Variants in UBL3 observed in about 807,000 individuals in gnomAD.
UBL3 encodes ubiquitin like 3.
A neutral mutation model predicts 18.4 loss-of-function variants in UBL3; 6 were observed. The ratio of observed to expected loss-of-function variants is 0.33; its 90% CI spans 0.18 to 0.64. The LOEUF (loss-of-function observed/expected upper bound fraction) is 0.64. Ranked by LOEUF, UBL3 falls within the 30% of genes least tolerant of loss-of-function variation. The probability of loss-of-function intolerance (pLI) is 0.76; values close to 1 mark genes in which losing one functional copy is unlikely to be tolerated. For synonymous variants in UBL3, 49 were observed against 46.6 expected, an observed-to-expected ratio of 1.05 and a Z score of -0.21; for missense variants, 109 against 142.9, an observed-to-expected ratio of 0.76 and a Z score of 1.21.
chr13:29,847,005 G>A (rs1447176526), intron 1 of UBL3, among the ~76,000 whole-genome samples: 2 of 152,166 alleles, frequency 1.3e-5, no homozygotes, highest in African/African-American at 4.8e-5. Flanking sequence ...GTAAATTGTT[G>A]TCATGAATGT....
chr13:29,820,165 GTTCCTTTT>G (rs1878390557), intron 1 of UBL3, among the ~76,000 whole-genome samples: 2 of 130,146 alleles, frequency 1.5e-5, no homozygotes, highest in Non-Finnish European at 3.2e-5. Flanking sequence ...GGCCCTCAGA[GTTCCTTTT>G]TTTTTTTTTT....
At position 29,850,451 on chromosome 13, in the gene UBL3, A is replaced by G. The variant is rs1566004755; in HGVS notation, c.-913T>C. On this transcript the variant is annotated 5_prime_UTR_variant, in exon 1 of 5. Transcript: ENST00000380680. ...GCCGACTTCGGCTGGTCCCCGGAAGAGGCCGGGTCCTCCTTCTCCTCAGCC... is the reference window on the plus strand; with the variant it reads ...GCCGACTTCGGCTGGTCCCCGGAAGGGGCCGGGTCCTCCTTCTCCTCAGCC... The G allele has an allele frequency of 6.5e-6, 1 of 152,824 alleles. No homozygotes were observed. Among genetic ancestry groups the G allele is most frequent in the Non-Finnish European group, 1.5e-5 (1 of 68,170 alleles). 9.5% of individuals were successfully genotyped at this position (152,824 alleles called of 1,614,324 possible). A position where few individuals can be genotyped will look rare whatever the true frequency, so the allele number is the denominator to read the frequency against.
intron 1 of UBL3, among the ~76,000 whole-genome samples, chr13:29,803,772 C>A (rs1877833104): frequency 6.6e-6 from 1 of 152,084 alleles, no homozygotes; most frequent in South Asian, 2.1e-4. Flanking sequence ...AACACAGGAG[C>A]ACTCAGACTG....
intron 1 of UBL3, among the ~76,000 whole-genome samples, chr13:29,825,459 A>C (rs925142868): frequency 8.5e-4 from 130 of 152,182 alleles, no homozygotes; most frequent in Non-Finnish European, 1.6e-3. Context: ...ATTCTCTTTG[A>C]AGCAATTGTG....
chr13:29,767,722 T>C, intron 3 of UBL3, 27 bp from the exon 4 acceptor site: 1 of 1,595,572 alleles, frequency 6.3e-7, no homozygotes, highest in Middle Eastern at 1.7e-4. Context: ...AGATGATTAG[T>C]TACACATATA....
At chr13:29,827,995 T>C (rs1350717857) in intron 1 of UBL3, among the ~76,000 whole-genome samples, 1 of 152,234 alleles carries the variant, frequency 6.6e-6, no homozygotes, top group Admixed American at 6.5e-5. Flanking sequence ...TTTAAGAATG[T>C]TGAATATTGG....
At chr13:29,832,445 G>C (rs1003650005) in intron 1 of UBL3, among the ~76,000 whole-genome samples, 1 of 151,544 alleles carries the variant, frequency 6.6e-6, no homozygotes, top group African/African-American at 2.4e-5. Context: ...CCATTCTCCT[G>C]CGTCAGCCTC....
intron 1 of UBL3, among the ~76,000 whole-genome samples, chr13:29,830,680 A>G (rs1301436311): frequency 2.6e-5 from 4 of 152,256 alleles, no homozygotes; most frequent in African/African-American, 7.2e-5. Context: ...GCAAAAAGCA[A>G]GTACTATTAA....
chr13:29,825,557 C>T (rs1194042983), intron 1 of UBL3, among the ~76,000 whole-genome samples: 1 of 152,170 alleles, frequency 6.6e-6, no homozygotes, highest in Non-Finnish European at 1.5e-5. Context: ...GATTTTGTAA[C>T]CTGAGACTTT....
chr13:29,827,046 G>A (rs1455430973), intron 1 of UBL3, among the ~76,000 whole-genome samples: 1 of 152,216 alleles, frequency 6.6e-6, no homozygotes, highest in African/African-American at 2.4e-5. Flanking sequence ...TGTGGTCTGA[G>A]AGACAGTTTG....
intron 1 of UBL3, among the ~76,000 whole-genome samples, chr13:29,779,948 A>G (rs767662442): frequency 8.5e-5 from 13 of 152,162 alleles, no homozygotes; most frequent in Admixed American, 6.5e-5. Flanking sequence ...CTCGGCTCCT[A>G]TGCTCTCTCC....
chr13:29,848,280 C>A (rs867935428), intron 1 of UBL3, among the ~76,000 whole-genome samples: 1,123 of 68,066 alleles, frequency 0.016, no homozygotes, highest in South Asian at 0.026. Context: ...CCTGTCTCCA[C>A]AAAAAAAAAA....
intron 3 of UBL3, among the ~76,000 whole-genome samples, chr13:29,769,262 G>T (rs118175619): frequency 6.6e-6 from 1 of 152,064 alleles, no homozygotes; most frequent in Non-Finnish European, 1.5e-5. Flanking sequence ...GAAAGCTCCT[G>T]AGAGGCTTAC....
intron 3 of UBL3, 112 bp from the exon 4 acceptor site, chr13:29,767,807 G>C (rs1876729342): frequency 1.2e-6 from 1 of 804,994 alleles, no homozygotes. Flanking sequence ...TTCTTTAACA[G>C]ATTCAACTTA....
chr13:29,790,561 C>A (rs1877455739), intron 1 of UBL3, among the ~76,000 whole-genome samples: 1 of 152,144 alleles, frequency 6.6e-6, no homozygotes, highest in African/African-American at 2.4e-5. Flanking sequence ...GGAACACCAA[C>A]CCCCAAGAGG....
At chr13:29,847,560 A>G (rs1879259412) in intron 1 of UBL3, among the ~76,000 whole-genome samples, 1 of 152,194 alleles carries the variant, frequency 6.6e-6, no homozygotes, top group Non-Finnish European at 1.5e-5. Context: ...AATCATCTCA[A>G]TCTGTGACTG....
intron 1 of UBL3, among the ~76,000 whole-genome samples, chr13:29,845,769 A>C (rs985325108): frequency 1.4e-4 from 21 of 152,094 alleles, no homozygotes; most frequent in Non-Finnish European, 2.5e-4. Flanking sequence ...GATCTGCTAC[A>C]ATTTTTACAT....
intron 1 of UBL3, chr13:29,779,325 G>C (rs1348275531): frequency 2.5e-6 from 1 of 404,008 alleles, no homozygotes; most frequent in African/African-American, 2.1e-5. Flanking sequence ...GAATATTTAA[G>C]GTTCTTCAGT....
chr13:29,780,353 C>CAAAAAAA (rs71746248), intron 1 of UBL3, among the ~76,000 whole-genome samples: 1,596 of 8,228 alleles, frequency 0.19, 311 homozygotes, highest in Non-Finnish European at 0.31. Flanking sequence ...GACTCTGTCT[C>CAAAAAAA]AAAAAAAAAA....
Sources: gnomAD v4.1 joint callset for allele counts (sites outside exome capture counted in the v4.1 genomes callset) on GRCh38, gnomAD v4.1.1 for gene constraint, MANE v1.5 for transcripts, NCBI Gene and HGNC (gene_info 2026-07-23, HGNC 2026-07-21) for gene names.